MBNL1: variants seen among roughly 807,000 people sequenced by gnomAD.
The protein encoded by MBNL1 is muscleblind-like protein 1.
A neutral mutation model predicts 42.2 loss-of-function variants in MBNL1; 8 were observed. The ratio of observed to expected loss-of-function variants is 0.19; its 90% CI spans 0.11 to 0.34. The LOEUF is 0.34. MBNL1 is among the 10% of genes least tolerant of loss of function. The pLI, the probability that MBNL1 is intolerant of heterozygous loss-of-function variation, is 1.00. For missense variants in MBNL1, 309 were observed against 495.3 expected (o/e 0.62, Z 3.57); for synonymous variants, 169 against 173.9 (o/e 0.97, Z 0.22).
At chr3:152,273,809 T>C (rs12488207) in intron 1 of MBNL1, among the ~76,000 whole-genome samples, 47,776 of 151,974 alleles carry the variant, frequency 0.31, 7,876 homozygotes, top group East Asian at 0.54. Context: ...CTGAGAGATG[T>C]ATGTTTTATA....
At chr3:152,297,730 C>A (rs2059248826) in intron 1 of MBNL1, among the ~76,000 whole-genome samples, 1 of 152,028 alleles carries the variant, frequency 6.6e-6, no homozygotes, top group Non-Finnish European at 1.5e-5. Context: ...AATCTCAGCT[C>A]ACTGCAGCTT....
intron 2 of MBNL1, among the ~76,000 whole-genome samples, chr3:152,345,636 C>T (rs2094120884): frequency 6.6e-6 from 1 of 152,086 alleles, no homozygotes; most frequent in Non-Finnish European, 1.5e-5. Flanking sequence ...ATGTGTAAAA[C>T]ATTGATAATA....
chr3:152,373,276 T>C (rs190077659), intron 2 of MBNL1, among the ~76,000 whole-genome samples: 2 of 150,688 alleles, frequency 1.3e-5, no homozygotes, highest in East Asian at 4.0e-4. Context: ...GCTCCCTGGC[T>C]TCAGTTCCCT....
intron 2 of MBNL1, among the ~76,000 whole-genome samples, chr3:152,324,568 T>G (rs1358963601): frequency 6.6e-6 from 1 of 152,212 alleles, no homozygotes; most frequent in Non-Finnish European, 1.5e-5. Context: ...GCAACCATAG[T>G]TCTCTCCTAG....
chr3:152,322,854 C>T (rs2077225808), intron 2 of MBNL1, among the ~76,000 whole-genome samples: 2 of 152,042 alleles, frequency 1.3e-5, no homozygotes, highest in South Asian at 4.1e-4. Context: ...TAACAAGGCT[C>T]AAGGCACATT....
rs371760897 is a variant in MBNL1 at position 152,299,910 on chromosome 3, G to A, written c.-284G>A. On this transcript the variant is annotated 5_prime_UTR_variant, in exon 2 of 10. Coordinates refer to ENST00000324210, the MANE Select transcript of MBNL1 (RefSeq NM_021038.5). ...ACTGAGAGCACAAGGCTGATACCAG[G>A]CCCTACTTTTAAACGTTCATCTACT... is the stretch of plus-strand genomic sequence containing the variant. 19 of 434,042 alleles carry A rather than the reference G, an allele frequency of 4.4e-5. No homozygotes were observed. Among genetic ancestry groups the A allele is most frequent in the Non-Finnish European group, 6.1e-5 (15 of 247,486 alleles). 26.9% of individuals were successfully genotyped at this position (434,042 alleles called of 1,614,324 possible).
At chr3:152,340,221 C>T (rs757748041) in intron 2 of MBNL1, 3 of 256,642 alleles carry the variant, frequency 1.2e-5, no homozygotes, top group Non-Finnish European at 2.2e-5. Flanking sequence ...ACTCAGGAGA[C>T]TGAGGCAGAA....
intron 1 of MBNL1, among the ~76,000 whole-genome samples, chr3:152,298,297 A>G (rs544798799): frequency 1.3e-5 from 2 of 152,318 alleles, no homozygotes; most frequent in African/African-American, 4.8e-5. Flanking sequence ...CAAAAAATAA[A>G]GAAGAAAAAT....
intron 2 of MBNL1, among the ~76,000 whole-genome samples, chr3:152,337,895 T>C (rs1343009180): frequency 6.6e-6 from 1 of 152,200 alleles, no homozygotes; most frequent in Non-Finnish European, 1.5e-5. Flanking sequence ...TAAAAATCAG[T>C]TGTTTAACCT....
rs530413195 is a variant in MBNL1, at chr3:152,463,508, A to G, written c.*1142A>G. ...GTCACATTCAAAATAGTGACTCTAA[A>G]CAAAGAAGAAAGCAGCACTGTCATC... On this transcript the variant is annotated 3_prime_UTR_variant, in exon 10 of 10. Coordinates refer to ENST00000324210, the MANE Select transcript of MBNL1 (RefSeq NM_021038.5). 1.3e-4 allele frequency: 20 copies of G among 152,644 alleles called. No individual in the cohort carries two copies. The South Asian group carries it at 3.1e-3, about 24-fold the overall frequency. The allele number at this position is 152,644 out of a possible 1,614,324, so 9.5% of individuals were successfully genotyped here.
chr3:152,389,541 A>G (rs1321682887), intron 2 of MBNL1, among the ~76,000 whole-genome samples: 2 of 152,192 alleles, frequency 1.3e-5, no homozygotes, highest in Admixed American at 1.3e-4. Flanking sequence ...GTTATAGCCT[A>G]TTGCTTCTAG....
Position 152,336,900 on chromosome 3 carries a change from A to G in MBNL1, c.174+36533A>G, listed in dbSNP as rs980992496. ...AGAAGAAATTAGATATCCGAAGTCA[A>G]GAATTACACACACATAACTGCTTTT... On this transcript the variant is annotated intron_variant, in intron 2 of 9. Coordinates refer to ENST00000324210, the MANE Select transcript of MBNL1 (RefSeq NM_021038.5). Among the ~76,000 whole-genome samples, 6 of 152,360 alleles carry G rather than the reference A, an allele frequency of 3.9e-5. No individual in the cohort carries two copies. In the South Asian group the frequency reaches 1.0e-3, roughly 26 times the overall value.
chr3:152,450,277 C>A (rs1719894222), intron 6 of MBNL1, among the ~76,000 whole-genome samples: 1 of 152,048 alleles, frequency 6.6e-6, no homozygotes, highest in South Asian at 2.1e-4. Flanking sequence ...CTTTATTAAT[C>A]ACATAATCAG....
intron 3 of MBNL1, among the ~76,000 whole-genome samples, chr3:152,430,896 C>T (rs529914190): frequency 5.9e-5 from 9 of 152,324 alleles, no homozygotes; most frequent in African/African-American, 2.2e-4. Context: ...GAGCCATCGA[C>T]CTGGCAGAGC....
At chr3:152,335,065 A>G in intron 2 of MBNL1, 2 of 1,248,552 alleles carry the variant, frequency 1.6e-6, no homozygotes, top group Non-Finnish European at 2.1e-6. Flanking sequence ...ATTGCTGGGA[A>G]GGAAAAGTGG....
intron 4 of MBNL1, among the ~76,000 whole-genome samples, chr3:152,437,869 G>A (rs953001551): frequency 4.6e-5 from 7 of 151,868 alleles, no homozygotes; most frequent in African/African-American, 9.7e-5. Context: ...CACCTCCCAG[G>A]TTCAAGGAAT....
At chr3:152,326,678 T>C (rs1460936260) in intron 2 of MBNL1, among the ~76,000 whole-genome samples, 1 of 152,032 alleles carries the variant, frequency 6.6e-6, no homozygotes, top group East Asian at 1.9e-4. Flanking sequence ...TTATCAATTT[T>C]CAGAATCAGA....
At chr3:152,381,655 A>T (rs1054416841) in intron 2 of MBNL1, among the ~76,000 whole-genome samples, 1 of 151,962 alleles carries the variant, frequency 6.6e-6, no homozygotes, top group African/African-American at 2.4e-5. Context: ...TTCTATGAAA[A>T]TTGTTCTTAA....
At chr3:152,400,224 T>C (rs551328881) in intron 2 of MBNL1, among the ~76,000 whole-genome samples, 11 of 152,220 alleles carry the variant, frequency 7.2e-5, no homozygotes, top group Non-Finnish European at 1.2e-4. Context: ...GTACTAATTG[T>C]CTTCCTAAAC....
Sources: allele counts gnomAD v4.1 joint callset (sites outside exome capture counted in the v4.1 genomes callset), GRCh38; gene constraint gnomAD v4.1.1; transcripts MANE v1.5; gene names NCBI Gene and HGNC (gene_info 2026-07-23, HGNC 2026-07-21).